Variants in IMMP2L observed in about 807,000 individuals in gnomAD.
IMMP2L encodes inner mitochondrial membrane peptidase subunit 2, also known as mitochondrial inner membrane protease subunit 2.
IMMP2L carries 18 observed loss-of-function variants against 19.3 expected under a neutral mutation model. The ratio of observed to expected loss-of-function variants is 0.93; its 90% CI spans 0.64 to 1.38. IMMP2L has a LOEUF of 1.38. Among genes scored for constraint, IMMP2L ranks in the 40% most tolerant of loss-of-function variants. The probability of loss-of-function intolerance (pLI) is 0.00; values close to 1 mark genes in which losing one functional copy is unlikely to be tolerated. For missense variants in IMMP2L, 233 were observed against 218.2 expected (o/e 1.07, Z -0.43); for synonymous variants, 76 against 73.0 (o/e 1.04, Z -0.21).
intron 5 of IMMP2L, among the ~76,000 whole-genome samples, chr7:110,669,395 C>T (rs1049694982): frequency 6.6e-6 from 1 of 152,138 alleles, no homozygotes; most frequent in Non-Finnish European, 1.5e-5. Flanking sequence ...GGCTTACCCA[C>T]ATTACAGACA....
At chr7:111,469,249 G>C (rs903095470) in intron 3 of IMMP2L, among the ~76,000 whole-genome samples, 1 of 151,986 alleles carries the variant, frequency 6.6e-6, no homozygotes, top group Non-Finnish European at 1.5e-5. Flanking sequence ...CTCTTTTTTG[G>C]TTCCATATGA....
At chr7:111,265,096 A>G (rs1194693467) in intron 3 of IMMP2L, among the ~76,000 whole-genome samples, 1 of 152,176 alleles carries the variant, frequency 6.6e-6, no homozygotes, top group Admixed American at 6.6e-5. Context: ...GTACTAATCT[A>G]AAGAGATAGA....
chr7:110,885,363 G>T (rs779841311), intron 5 of IMMP2L, among the ~76,000 whole-genome samples: 2 of 151,632 alleles, frequency 1.3e-5, no homozygotes, highest in African/African-American at 4.8e-5. Context: ...TTATATATAC[G>T]TTAAAAAGTA....
In IMMP2L at chr7:111,494,933, T is replaced by C. The variant is rs926323296; in HGVS notation, c.136-7592A>G. ...TTCAGGCAGAAAATTCTACCCCTCA[T>C]TTCTAAATTCTTTGTTGATTGTTTC... On this transcript the variant is annotated intron_variant, in intron 2 of 5. Transcript: ENST00000405709. 2.0e-5 allele frequency among the ~76,000 whole-genome samples: 3 copies of C among 152,190 alleles called. No homozygotes were observed. In the East Asian group the frequency reaches 5.8e-4, roughly 29 times the overall value.
intron 3 of IMMP2L, among the ~76,000 whole-genome samples, chr7:111,478,845 T>C (rs979573715): frequency 6.6e-6 from 1 of 152,322 alleles, no homozygotes; most frequent in East Asian, 1.9e-4. Context: ...ATATGCATGG[T>C]ATAATTTTTT....
chr7:111,229,654 T>A (rs1250922285), intron 3 of IMMP2L, among the ~76,000 whole-genome samples: 1 of 151,920 alleles, frequency 6.6e-6, no homozygotes, highest in African/African-American at 2.4e-5. Context: ...ATGGATAAAA[T>A]TAGATTTAGT....
intron 3 of IMMP2L, among the ~76,000 whole-genome samples, chr7:111,242,930 G>A (rs1815292766): frequency 2.6e-5 from 4 of 151,822 alleles, no homozygotes; most frequent in Admixed American, 1.3e-4. Context: ...TAACTCACTG[G>A]TATTTCTTAA....
intron 3 of IMMP2L, among the ~76,000 whole-genome samples, chr7:111,269,431 T>G (rs905052523): frequency 1.3e-5 from 2 of 152,098 alleles, no homozygotes; most frequent in Non-Finnish European, 2.9e-5. Flanking sequence ...TGCAAATAAA[T>G]GTAAAATAAA....
intron 5 of IMMP2L, among the ~76,000 whole-genome samples, chr7:110,814,391 A>C (rs139259113): frequency 1.2e-3 from 186 of 151,702 alleles, no homozygotes; most frequent in African/African-American, 4.4e-3. Flanking sequence ...TTTACTCCTA[A>C]GATGAAAATG....
At chr7:110,771,488 T>C (rs1049757058) in intron 5 of IMMP2L, among the ~76,000 whole-genome samples, 2 of 152,170 alleles carry the variant, frequency 1.3e-5, no homozygotes, top group African/African-American at 4.8e-5. Context: ...CTCCCAGCTT[T>C]GCCACTTTCA....
chr7:110,822,889 T>C (rs1007117064), intron 5 of IMMP2L, among the ~76,000 whole-genome samples: 2 of 152,138 alleles, frequency 1.3e-5, no homozygotes, highest in East Asian at 3.9e-4. Context: ...GTAAGAAGTA[T>C]GTCTTATTCT....
intron 5 of IMMP2L, among the ~76,000 whole-genome samples, chr7:110,792,524 C>T (rs1363966047): frequency 6.6e-6 from 1 of 152,076 alleles, no homozygotes; most frequent in Admixed American, 6.6e-5. Context: ...TTTTAAGCAG[C>T]TTTGGGTTCT....
intron 1 of IMMP2L, among the ~76,000 whole-genome samples, chr7:111,555,573 A>G (rs1791193746): frequency 6.6e-6 from 1 of 152,142 alleles, no homozygotes; most frequent in South Asian, 2.1e-4. Flanking sequence ...TCAAAAAATA[A>G]AATCTGAAGC....
At chr7:111,486,379 C>T (rs1842656794) in intron 3 of IMMP2L, among the ~76,000 whole-genome samples, 1 of 152,068 alleles carries the variant, frequency 6.6e-6, no homozygotes, top group Non-Finnish European at 1.5e-5. Flanking sequence ...AAAATCCTTC[C>T]AATTCAAGAA....
intron 3 of IMMP2L, among the ~76,000 whole-genome samples, chr7:111,397,384 C>CAAAATT (rs1832984817): frequency 6.6e-6 from 1 of 152,106 alleles, no homozygotes; most frequent in Non-Finnish European, 1.5e-5. Context: ...CACTATTGGA[C>CAAAATT]AGTTACTACC....
intron 5 of IMMP2L, chr7:110,664,841 T>C (rs900108547): frequency 6.6e-6 from 1 of 152,184 alleles, no homozygotes; most frequent in African/African-American, 2.4e-5. Context: ...TTTTCAAATG[T>C]TTTTCCTATA....
intron 3 of IMMP2L, among the ~76,000 whole-genome samples, chr7:111,291,123 A>C (rs1821058395): frequency 6.6e-6 from 1 of 152,152 alleles, no homozygotes; most frequent in South Asian, 2.1e-4. Context: ...CCAGCTGCTT[A>C]AGAAATGGAT....
At chr7:110,697,238 A>AT (rs1394882294) in intron 5 of IMMP2L, among the ~76,000 whole-genome samples, 7 of 152,356 alleles carry the variant, frequency 4.6e-5, no homozygotes, top group Admixed American at 3.3e-4. Context: ...AAATGGAAGC[A>AT]TGCTGGGTAC....
rs550229176 is a variant in IMMP2L, at chr7:111,190,624, A to G, written c.240-227059T>C. Among the ~76,000 whole-genome samples, 17 of 152,202 alleles carry G rather than the reference A, an allele frequency of 1.1e-4. No individual in the cohort carries two copies. In the South Asian group the frequency reaches 2.5e-3, roughly 22 times the overall value. The stretch of plus-strand genomic sequence containing the variant: ...CTTAGGTCGAAATCCATTTACTACA[A>G]TATGTCACTAACAATATGTGACCTT... On this transcript the variant is annotated intron_variant, in intron 3 of 5. Transcript: ENST00000405709.
Sources: gnomAD v4.1 joint callset for allele counts (sites outside exome capture counted in the v4.1 genomes callset) on GRCh38, gnomAD v4.1.1 for gene constraint, MANE v1.5 for transcripts, NCBI Gene and HGNC (gene_info 2026-07-23, HGNC 2026-07-21) for gene names.